EYA1: variants seen among roughly 807,000 people sequenced by gnomAD.
The protein encoded by EYA1 is protein phosphatase EYA1.
EYA1 carries 16 observed loss-of-function variants against 82.0 expected under a neutral mutation model. The observed-to-expected ratio is 0.20, with a 90% CI of 0.13 to 0.30. The LOEUF is 0.30. Ranked by LOEUF, EYA1 falls within the 10% of genes least tolerant of loss-of-function variation. EYA1 has a pLI of 1.00. For missense variants in EYA1, 633 were observed against 730.7 expected, an observed-to-expected ratio of 0.87 and a Z score of 1.54; for synonymous variants, 261 against 264.4, an observed-to-expected ratio of 0.99 and a Z score of 0.12.
At chr8:71,259,710 A>C (rs963941899) in intron 11 of EYA1, among the ~76,000 whole-genome samples, 7 of 152,310 alleles carry the variant, frequency 4.6e-5, no homozygotes, top group Admixed American at 2.0e-4. Context: ...TGGAGACTCA[A>C]AACAGATAGA....
intron 12 of EYA1, among the ~76,000 whole-genome samples, chr8:71,243,593 C>A (rs1019003976): frequency 4.8e-4 from 73 of 152,158 alleles, no homozygotes; most frequent in African/African-American, 1.4e-3. Context: ...TGAGTAGTTT[C>A]ATTGCAGATG....
At chr8:71,358,081 T>C (rs1380953713) in intron 1 of EYA1, among the ~76,000 whole-genome samples, 1 of 152,180 alleles carries the variant, frequency 6.6e-6, no homozygotes, top group Non-Finnish European at 1.5e-5. Context: ...ATTTAAAGCA[T>C]TCTTTCTGTT....
At chr8:71,260,227 CTAATT>C (rs1330877908) in intron 11 of EYA1, among the ~76,000 whole-genome samples, 1 of 152,100 alleles carries the variant, frequency 6.6e-6, no homozygotes, top group Non-Finnish European at 1.5e-5. Flanking sequence ...TATAAATTGT[CTAATT>C]TAAATGCTTT....
At chr8:71,407,859 G>T (rs997547454) in intron 2 of EYA1, among the ~76,000 whole-genome samples, 1 of 149,664 alleles carries the variant, frequency 6.7e-6, no homozygotes, top group Non-Finnish European at 1.5e-5. Context: ...TCAGATTCAG[G>T]AAATACAGAG....
chr8:71,468,576 A>G (rs972969413), intron 2 of EYA1, among the ~76,000 whole-genome samples: 3 of 152,206 alleles, frequency 2.0e-5, no homozygotes, highest in Non-Finnish European at 4.4e-5. Context: ...ATACTCTAAA[A>G]TGATTAAAAT....
At chr8:71,474,423 C>A (rs2129204748) in intron 2 of EYA1, among the ~76,000 whole-genome samples, 1 of 152,202 alleles carries the variant, frequency 6.6e-6, no homozygotes, top group South Asian at 2.1e-4. Flanking sequence ...AGCCACTCTG[C>A]TCAGCAACTG....
At chr8:71,392,798 CT>C (rs377007757) in intron 2 of EYA1, among the ~76,000 whole-genome samples, 5 of 152,040 alleles carry the variant, frequency 3.3e-5, no homozygotes, top group Admixed American at 1.3e-4. Flanking sequence ...AAGTCTATCT[CT>C]TTTTTTAAAT....
intron 2 of EYA1, among the ~76,000 whole-genome samples, chr8:71,380,211 T>TTTAG (rs1828619512): frequency 6.6e-6 from 1 of 152,254 alleles, no homozygotes; most frequent in Non-Finnish European, 1.5e-5. Flanking sequence ...ATCTATAACA[T>TTTAG]TTATGTATTA....
At chr8:71,312,048 G>A (rs1316620889) in intron 7 of EYA1, among the ~76,000 whole-genome samples, 2 of 152,192 alleles carry the variant, frequency 1.3e-5, no homozygotes, top group Non-Finnish European at 2.9e-5. Context: ...TGGCAAAATG[G>A]CCGTAAATTG....
intron 2 of EYA1, among the ~76,000 whole-genome samples, chr8:71,510,843 G>A (rs948177338): frequency 1.3e-5 from 2 of 152,196 alleles, no homozygotes; most frequent in African/African-American, 4.8e-5. Flanking sequence ...GGCTTACAAG[G>A]CTGAAGACTC....
intron 3 of EYA1, among the ~76,000 whole-genome samples, chr8:71,350,950 A>G (rs1826248002): frequency 1.3e-5 from 2 of 152,196 alleles, no homozygotes; most frequent in Admixed American, 6.5e-5. Context: ...ACCTTTCCCA[A>G]CTACTTCTCA....
intron 11 of EYA1, among the ~76,000 whole-genome samples, chr8:71,262,681 C>T (rs761257453): frequency 6.6e-6 from 1 of 152,120 alleles, no homozygotes; most frequent in Non-Finnish European, 1.5e-5. Flanking sequence ...AGGCTGTGTT[C>T]CATTAAACAG....
At chr8:71,210,364 T>C (rs976423344) in intron 17 of EYA1, among the ~76,000 whole-genome samples, 6 of 152,130 alleles carry the variant, frequency 3.9e-5, no homozygotes, top group Non-Finnish European at 8.8e-5. Context: ...AAGGAAAAGC[T>C]GTGGGGCATG....
intron 2 of EYA1, among the ~76,000 whole-genome samples, chr8:71,496,437 T>C (rs1453549733): frequency 4.6e-5 from 7 of 152,220 alleles, no homozygotes; most frequent in Admixed American, 4.6e-4. Context: ...GGTTTCTGAA[T>C]TGTTTAATTA....
intron 9 of EYA1, among the ~76,000 whole-genome samples, chr8:71,278,040 C>A (rs949920632): frequency 2.6e-5 from 4 of 152,202 alleles, no homozygotes; most frequent in Non-Finnish European, 4.4e-5. Flanking sequence ...CCATTTAGTT[C>A]CCCTGAGCTA....
At chr8:71,345,966 GCTC>G (rs143061357) in intron 3 of EYA1, among the ~76,000 whole-genome samples, 29 of 152,094 alleles carry the variant, frequency 1.9e-4, no homozygotes, top group African/African-American at 5.1e-4. Flanking sequence ...CTCTGTGCAT[GCTC>G]CTCATCTTAC....
At chr8:71,236,737 A>T (rs1249192922) in intron 12 of EYA1, among the ~76,000 whole-genome samples, 1 of 152,216 alleles carries the variant, frequency 6.6e-6, no homozygotes, top group Admixed American at 6.5e-5. Flanking sequence ...ACTATAGTAG[A>T]GATATCATGC....
chr8:71,406,799 G>T, intron 2 of EYA1, among the ~76,000 whole-genome samples: 1 of 146,990 alleles, frequency 6.8e-6, no homozygotes, highest in Non-Finnish European at 1.5e-5. Context: ...GCTGGGGGAG[G>T]GGCGCCCGCC....
intron 2 of EYA1, among the ~76,000 whole-genome samples, chr8:71,393,775 G>T (rs1484928699): frequency 1.3e-5 from 2 of 152,178 alleles, no homozygotes; most frequent in Non-Finnish European, 2.9e-5. Context: ...TGTCTTAATA[G>T]CAGCATGATT....
Sources: allele counts gnomAD v4.1 joint callset (sites outside exome capture counted in the v4.1 genomes callset), GRCh38; gene constraint gnomAD v4.1.1; transcripts MANE v1.5; gene names NCBI Gene and HGNC (gene_info 2026-07-23, HGNC 2026-07-21).